Variants in TRAPPC9 observed in about 807,000 individuals in gnomAD.
TRAPPC9 encodes the protein IKK2 binding protein.
A neutral mutation model predicts 124.0 loss-of-function variants in TRAPPC9; 83 were observed. The observed-to-expected ratio is 0.67, with a 90% CI of 0.56 to 0.80. TRAPPC9 has a LOEUF of 0.80. Among genes scored for constraint, TRAPPC9 ranks in the 30% least tolerant of loss-of-function variants. TRAPPC9 has a pLI of 0.00. For synonymous variants in TRAPPC9, 638 were observed against 617.5 expected (o/e 1.03, Z -0.49); for missense variants, 1,302 against 1,508.3 (o/e 0.86, Z 2.27).
At chr8:140,026,689 C>T (rs1840169701) in intron 17 of TRAPPC9, among the ~76,000 whole-genome samples, 1 of 152,046 alleles carries the variant, frequency 6.6e-6, no homozygotes, top group Admixed American at 6.6e-5. Context: ...CTCACTATTC[C>T]AAATCCCCTC....
chr8:139,871,209 C>A (rs1297041928), intron 21 of TRAPPC9, among the ~76,000 whole-genome samples: 1 of 152,268 alleles, frequency 6.6e-6, no homozygotes, highest in South Asian at 2.1e-4. Flanking sequence ...GGTGCCTTCG[C>A]TCTGTGGCTG....
intron 17 of TRAPPC9, among the ~76,000 whole-genome samples, chr8:140,027,204 C>T (rs1321895836): frequency 2.6e-5 from 4 of 152,212 alleles, no homozygotes; most frequent in African/African-American, 9.7e-5. Flanking sequence ...GATGTAGTCC[C>T]TGATCTCAGA....
intron 5 of TRAPPC9, among the ~76,000 whole-genome samples, chr8:140,422,622 C>T (rs1376185869): frequency 6.6e-6 from 1 of 151,780 alleles, no homozygotes; most frequent in African/African-American, 2.4e-5. Flanking sequence ...GGCGTGGTGG[C>T]ATGTGTCTAT....
In TRAPPC9 at chr8:140,104,897, C is replaced by T. The variant is rs1409102049; in HGVS notation, c.2557-80818G>A. Among the ~76,000 whole-genome samples the T allele has an allele frequency of 6.6e-6, 1 of 152,240 alleles. No homozygotes were observed. Among genetic ancestry groups the T allele is most frequent in the East Asian group, 1.9e-4 (1 of 5,200 alleles). On this transcript the variant is annotated intron_variant, in intron 17 of 22. Transcript: ENST00000438773. This position sits in a 1 kb window ranked among gnomAD's most constrained non-coding sequence, Gnocchi z 4.0. Reference sequence around the variant, plus strand: ...AATGGCGACATTTAACGACATGGAGCTCCCTGAGTTGACTCTGCCTCCGCT... The same window carrying T: ...AATGGCGACATTTAACGACATGGAGTTCCCTGAGTTGACTCTGCCTCCGCT...
intron 21 of TRAPPC9, among the ~76,000 whole-genome samples, chr8:139,878,524 G>C (rs1829476948): frequency 6.6e-6 from 1 of 152,160 alleles, no homozygotes; most frequent in African/African-American, 2.4e-5. Flanking sequence ...CAGCTGTGCA[G>C]TGCTGGGGGA....
chr8:140,426,705 C>G (rs1354617904), intron 4 of TRAPPC9, 64 bp from the exon 5 acceptor site: 13 of 1,479,238 alleles, frequency 8.8e-6, no homozygotes, highest in Admixed American at 5.0e-5. Flanking sequence ...AAAATAACTA[C>G]TAAAACACAT....
chr8:140,355,128 T>C (rs1020125047), intron 9 of TRAPPC9, among the ~76,000 whole-genome samples: 2 of 152,206 alleles, frequency 1.3e-5, no homozygotes, highest in African/African-American at 4.8e-5. Context: ...TCCTGTCACC[T>C]AAAAACATAC....
intron 19 of TRAPPC9, among the ~76,000 whole-genome samples, chr8:139,915,332 C>T (rs1179032808): frequency 3.9e-5 from 6 of 152,136 alleles, no homozygotes; most frequent in East Asian, 1.9e-4. Flanking sequence ...CTGCAACCTC[C>T]GCTTCCTGGG....
chr8:140,115,927 C>T (rs754542715), intron 17 of TRAPPC9, among the ~76,000 whole-genome samples: 7 of 152,138 alleles, frequency 4.6e-5, no homozygotes, highest in South Asian at 2.1e-4. Flanking sequence ...GACCACCTGG[C>T]GCACAACAGG....
intron 21 of TRAPPC9, among the ~76,000 whole-genome samples, chr8:139,804,053 C>A (rs114859222): frequency 6.6e-6 from 1 of 151,560 alleles, no homozygotes; most frequent in East Asian, 1.9e-4. Context: ...CACACGCCAC[C>A]TCCATCAAGC....
At chr8:139,942,699 C>T (rs560790615) in intron 19 of TRAPPC9, among the ~76,000 whole-genome samples, 1 of 152,044 alleles carries the variant, frequency 6.6e-6, no homozygotes, top group South Asian at 2.1e-4. Flanking sequence ...CAGACATAGT[C>T]GAGAGAACAG....
chr8:140,424,662 G>C (rs1235148014), intron 5 of TRAPPC9, among the ~76,000 whole-genome samples: 2 of 148,678 alleles, frequency 1.3e-5, no homozygotes, highest in African/African-American at 4.9e-5. Context: ...AAAAATGAAA[G>C]AAATGAAAGA....
At chr8:140,045,719 T>G (rs1024217422) in intron 17 of TRAPPC9, among the ~76,000 whole-genome samples, 3 of 147,882 alleles carry the variant, frequency 2.0e-5, no homozygotes, top group Non-Finnish European at 4.4e-5. Context: ...AAGATGACGG[T>G]GGCTGCTCAG....
At chr8:139,857,395 C>T (rs1467247235) in intron 21 of TRAPPC9, among the ~76,000 whole-genome samples, 1 of 152,216 alleles carries the variant, frequency 6.6e-6, no homozygotes, top group African/African-American at 2.4e-5. Flanking sequence ...GTGCGATTCT[C>T]CCCACATCCC....
At chr8:140,068,357 C>T (rs1202656748) in intron 17 of TRAPPC9, among the ~76,000 whole-genome samples, 1 of 152,038 alleles carries the variant, frequency 6.6e-6, no homozygotes, top group African/African-American at 2.4e-5. Context: ...GACACAGATG[C>T]CAAATGCAAC....
intron 9 of TRAPPC9, among the ~76,000 whole-genome samples, chr8:140,329,385 T>A (rs570538828): frequency 1.3e-5 from 2 of 152,056 alleles, no homozygotes; most frequent in Non-Finnish European, 2.9e-5. Flanking sequence ...CAGCAACAAA[T>A]TAAAAATGGG....
chr8:140,451,346 C>A lies in TRAPPC9; in HGVS notation c.28G>T (p.Ala10Ser), dbSNP rs757736295. 6.2e-7 allele frequency: 1 copy of A among 1,605,358 alleles called. No homozygotes were observed. The highest frequency in any genetic ancestry group is 8.5e-7 in the Non-Finnish European group (1 of 1,180,000). The change falls in exon 2 of 23, where the codon GCT (alanine) becomes TCT (serine). Residue 10 changes from alanine (A) to serine (S), a missense_variant. Coordinates refer to ENST00000438773, the MANE Select transcript of TRAPPC9 (RefSeq NM_001160372.4). ...ACGAGCAGCGTCTGGTGGTCCTCAGCACACTGCATGTAGTCAGGGACGCTC... is the reference window on the plus strand; with the variant it reads ...ACGAGCAGCGTCTGGTGGTCCTCAGAACACTGCATGTAGTCAGGGACGCTC... MSVPDYMQC[A>S]EDHQTLLVVV...
chr8:140,205,209 C>G (rs1008542105), intron 17 of TRAPPC9, among the ~76,000 whole-genome samples: 3 of 152,148 alleles, frequency 2.0e-5, no homozygotes, highest in Non-Finnish European at 2.9e-5. Context: ...AATAAGATAT[C>G]ACTGGTATTC....
intron 17 of TRAPPC9, among the ~76,000 whole-genome samples, chr8:140,121,550 A>G (rs1360868090): frequency 6.6e-6 from 1 of 152,230 alleles, no homozygotes; most frequent in Non-Finnish European, 1.5e-5. Context: ...GGGCCCAGGC[A>G]GCAGCAGCAA....
Sources: allele counts gnomAD v4.1 joint callset (sites outside exome capture counted in the v4.1 genomes callset), GRCh38; gene constraint gnomAD v4.1.1; non-coding constraint Gnocchi (gnomAD v3.1); transcripts MANE v1.5; gene names NCBI Gene and HGNC (gene_info 2026-07-23, HGNC 2026-07-21).